CLIP2: variants seen among roughly 807,000 people sequenced by gnomAD.
CLIP2 encodes the protein CAP-Gly domain containing linker protein 2.
Under a neutral mutation model 111.7 loss-of-function variants are expected in CLIP2, and 41 were observed. The ratio of observed to expected loss-of-function variants is 0.37; its 90% confidence interval spans 0.29 to 0.48. The LOEUF (loss-of-function observed/expected upper bound fraction) is 0.48. Ranked by LOEUF, CLIP2 falls within the 20% of genes least tolerant of loss-of-function variation. The probability of loss-of-function intolerance (pLI) is 0.99; values close to 1 mark genes in which losing one functional copy is unlikely to be tolerated. For synonymous variants in CLIP2, 660 were observed against 644.2 expected (o/e 1.02, Z -0.37); for missense variants, 1,160 against 1,422.1 (o/e 0.82, Z 2.96).
rs1554312903 is a variant in CLIP2 at position 74,376,514 on chromosome 7, G to A, written c.2113G>A (p.Ala705Thr). The A allele has an allele frequency of 2.5e-6, 4 of 1,604,678 alleles. No individual in the cohort carries two copies. The highest frequency in any genetic ancestry group is 2.5e-6 in the Non-Finnish European group (3 of 1,176,748). Residue 705 changes from alanine (A) to threonine (T), a missense_variant, in exon 10 of 17, where the codon GCC becomes ACC. By Grantham distance (58) the Ala-to-Thr change is moderately conservative. Coordinates refer to ENST00000223398, the MANE Select transcript of CLIP2 (RefSeq NM_003388.5). The surrounding 1 kb of genome is among the most constrained non-coding windows in gnomAD (Gnocchi z 7.1). ...GGCTGGGCTGCAGCGGCACTGGCGG[G>A]CCCAGCTGGAGGTGCAAGCCAGCCA... The part of the protein sequence containing the change: ...ELAGLQRHWR[A>T]QLEVQASQHR...
At position 74,376,648 on chromosome 7, in the gene CLIP2, C is replaced by G. The variant is rs782307517; in HGVS notation, c.2247C>G (p.Ile749Met). 15 of 1,613,434 alleles carry G rather than the reference C, an allele frequency of 9.3e-6. No homozygotes were observed. Among genetic ancestry groups the G allele is most frequent in the Non-Finnish European group, 1.2e-5 (14 of 1,179,904 alleles). The change falls in exon 10 of 17, where the codon ATC (isoleucine) becomes ATG (methionine). Residue 749 changes from isoleucine (I) to methionine (M), a missense_variant. Physicochemically the swap from Ile to Met is conservative, Grantham distance 10. This residue lies in a region of CLIP2 where 676 missense variants were observed against 777.8 expected (regional missense o/e 0.87). Coordinates refer to ENST00000223398, the MANE Select transcript of CLIP2 (RefSeq NM_003388.5). This position sits in a 1 kb window ranked among gnomAD's most constrained non-coding sequence, Gnocchi z 7.1. ...DVEYRGQAQAIEFLKEQISLA... is the reference protein window; with the variant it reads ...DVEYRGQAQAMEFLKEQISLA... ...AGTACCGGGGCCAGGCGCAGGCTAT[C>G]GAGTTCCTCAAGGAGCAGATCTCGC...
chr7:74,290,225 C>A (rs1362242485), intron 1 of CLIP2, among the ~76,000 whole-genome samples: 1 of 152,236 alleles, frequency 6.6e-6, no homozygotes. Flanking sequence ...GGACTGCCCC[C>A]CTCTCCTCCC....
chr7:74,377,036 A>G (rs888195325), intron 10 of CLIP2, among the ~76,000 whole-genome samples: 1 of 152,108 alleles, frequency 6.6e-6, no homozygotes, highest in Non-Finnish European at 1.5e-5. Flanking sequence ...GGAGAACCGA[A>G]GCTGGTCTGA....
intron 16 of CLIP2, among the ~76,000 whole-genome samples, chr7:74,402,757 G>A (rs557946675): frequency 3.3e-5 from 5 of 152,230 alleles, no homozygotes; most frequent in South Asian, 2.1e-4. Context: ...ACAGATGCTC[G>A]CTAGAAACAG....
chr7:74,396,007 C>T (rs900009933), intron 13 of CLIP2, among the ~76,000 whole-genome samples: 2 of 152,162 alleles, frequency 1.3e-5, no homozygotes, highest in African/African-American at 4.8e-5. Flanking sequence ...CAGCAGATTT[C>T]CACTGTTCTC....
In CLIP2 at chr7:74,317,516, C is replaced by T. The variant is rs1276134477; in HGVS notation, c.-31C>T. On this transcript the variant is annotated 5_prime_UTR_variant, in exon 2 of 17. Coordinates refer to ENST00000223398, the MANE Select transcript of CLIP2 (RefSeq NM_003388.5). ...TGGCAGAGAGGACGTGACCAGCACTCACCCTTGTCCACCTGCCCAGTGGCA... is the reference window on the plus strand; with the variant it reads ...TGGCAGAGAGGACGTGACCAGCACTTACCCTTGTCCACCTGCCCAGTGGCA... The T allele has an allele frequency of 1.4e-6, 2 of 1,386,238 alleles. No individual in the cohort carries two copies. Among genetic ancestry groups the T allele is most frequent in the East Asian group, 5.4e-5 (2 of 36,752 alleles). 85.9% of individuals were successfully genotyped at this position (1,386,238 alleles called of 1,614,324 possible).
chr7:74,310,632 C>T (rs229877), intron 1 of CLIP2, among the ~76,000 whole-genome samples: 90,662 of 152,044 alleles, frequency 0.6, 29,701 homozygotes, highest in Non-Finnish European at 0.74. Flanking sequence ...CTGGTATGAA[C>T]ACTTGTTTAT....
rs566017964 is a variant in CLIP2, at chr7:74,290,765, C to T, written c.-68+1031C>T. Among the ~76,000 whole-genome samples the T allele has an allele frequency of 6.6e-5, 10 of 151,748 alleles. No homozygotes were observed. The East Asian group carries it at 1.9e-3, about 29-fold the overall frequency. ...CACGTGTGTGCTTCAGAAGCCTCTTCCCTTTCGGTTGTAAATGTAAACAAT... is the reference window on the plus strand; with the variant it reads ...CACGTGTGTGCTTCAGAAGCCTCTTTCCTTTCGGTTGTAAATGTAAACAAT... On this transcript the variant is annotated intron_variant, in intron 1 of 16. Coordinates refer to ENST00000223398, the MANE Select transcript of CLIP2 (RefSeq NM_003388.5).
chr7:74,399,306 G>A (rs1355167533), intron 14 of CLIP2, among the ~76,000 whole-genome samples: 2 of 152,112 alleles, frequency 1.3e-5, no homozygotes, highest in African/African-American at 2.4e-5. Flanking sequence ...GGGAGGCCAA[G>A]TTGGGAGGAT....
At chr7:74,298,583 AGTGGC>A (rs56116114) in intron 1 of CLIP2, among the ~76,000 whole-genome samples, 106,111 of 150,980 alleles carry the variant, frequency 0.7, 38,016 homozygotes, top group East Asian at 0.83. Flanking sequence ...GTTGGAGTGC[AGTGGC>A]GTGGCGTGAT....
intron 1 of CLIP2, among the ~76,000 whole-genome samples, chr7:74,291,158 A>G (rs956508905): frequency 1.2e-4 from 19 of 152,126 alleles, no homozygotes; most frequent in Admixed American, 7.2e-4. Flanking sequence ...CGGGGGAATG[A>G]TGGGATTCTG....
At chr7:74,291,480 A>C (rs1373493541) in intron 1 of CLIP2, among the ~76,000 whole-genome samples, 13 of 152,196 alleles carry the variant, frequency 8.5e-5, no homozygotes, top group Admixed American at 8.5e-4. Context: ...CTCCCTAGCT[A>C]TGTGACCTTG....
chr7:74,295,797 G>A (rs1187812580), intron 1 of CLIP2, among the ~76,000 whole-genome samples: 5 of 152,082 alleles, frequency 3.3e-5, no homozygotes, highest in Admixed American at 3.3e-4. Flanking sequence ...TTGAGCCTAG[G>A]AGTTTGAGAG....
At chr7:74,332,240 A>G (rs888813500) in intron 2 of CLIP2, among the ~76,000 whole-genome samples, 19 of 151,308 alleles carry the variant, frequency 1.3e-4, no homozygotes, top group African/African-American at 4.6e-4. Flanking sequence ...TGCCAGGCCA[A>G]TTTTTGTATT....
chr7:74,400,418 C>G lies in CLIP2; in HGVS notation c.2929C>G (p.Arg977Gly). The change falls in exon 15 of 17, where the codon CGG (arginine) becomes GGG (glycine). Residue 977 changes from arginine to glycine, a missense_variant. Transcript: ENST00000223398. Reference protein sequence around the residue: ...SDQRRYSLIDRSSAPELLRLQ... With the variant: ...SDQRRYSLIDGSSAPELLRLQ... ...TCAGAGGCGCTACTCCCTCATCGAC[C>G]GGTCCTCGGCGCCCGAGCTTCTGCG... 6.2e-7 allele frequency: 1 copy of G among 1,613,792 alleles called. No homozygotes were observed. Among genetic ancestry groups the G allele is most frequent in the Non-Finnish European group, 8.5e-7 (1 of 1,179,834 alleles).
At chr7:74,375,281 G>T (rs1162988886) in intron 9 of CLIP2, among the ~76,000 whole-genome samples, 1 of 151,778 alleles carries the variant, frequency 6.6e-6, no homozygotes, top group African/African-American at 2.4e-5. Flanking sequence ...CTGGGCGGTG[G>T]CTCATGCCTA....
intron 14 of CLIP2, among the ~76,000 whole-genome samples, chr7:74,399,684 T>G (rs987454705): frequency 7.9e-5 from 12 of 151,612 alleles, no homozygotes; most frequent in Admixed American, 5.3e-4. Context: ...GGACTACAGA[T>G]GTGAGCCACC....
At chr7:74,344,555 T>A (rs933246721) in intron 3 of CLIP2, among the ~76,000 whole-genome samples, 8 of 152,032 alleles carry the variant, frequency 5.3e-5, no homozygotes, top group East Asian at 1.9e-4. Flanking sequence ...CTAATTTTTT[T>A]AATTTTTATT....
At chr7:74,343,584 A>G (rs896242679) in intron 3 of CLIP2, among the ~76,000 whole-genome samples, 1 of 151,958 alleles carries the variant, frequency 6.6e-6, no homozygotes, top group African/African-American at 2.4e-5. Flanking sequence ...TTATGCTTTT[A>G]TGGAGAGCAT....
Sources: gnomAD v4.1 joint callset for allele counts (sites outside exome capture counted in the v4.1 genomes callset) on GRCh38, gnomAD v4.1.1 for gene constraint, gnomAD v4.1.1 regional missense constraint, Gnocchi (gnomAD v3.1) non-coding constraint, MANE v1.5 for transcripts, NCBI Gene and HGNC (gene_info 2026-07-23, HGNC 2026-07-21) for gene names.